Variants in ITPR2 observed in about 807,000 individuals in gnomAD.
ITPR2 encodes inositol 1,4,5-trisphosphate-gated calcium channel ITPR2.
In ITPR2, 207 loss-of-function variants were observed where a neutral mutation model predicts 317.1. The observed-to-expected ratio is 0.65, with a 90% CI of 0.58 to 0.73. The LOEUF (loss-of-function observed/expected upper bound fraction) is 0.73, where lower values mean the gene tolerates loss of function less well. Among genes scored for constraint, ITPR2 ranks in the 30% least tolerant of loss-of-function variants. The pLI is 0.00. For missense variants in ITPR2, 2,613 were observed against 3,284.0 expected, an observed-to-expected ratio of 0.80 and a Z score of 4.99; for synonymous variants, 1,156 against 1,149.1, an observed-to-expected ratio of 1.01 and a Z score of -0.12.
intron 1 of ITPR2, among the ~76,000 whole-genome samples, chr12:26,798,506 C>T (rs1950495992): frequency 6.6e-6 from 1 of 152,180 alleles, no homozygotes; most frequent in Admixed American, 6.5e-5. Context: ...TAAATACCAG[C>T]ACTAAGTGGT....
intron 2 of ITPR2, among the ~76,000 whole-genome samples, chr12:26,758,525 T>A (rs986102910): frequency 6.6e-6 from 1 of 152,206 alleles, no homozygotes; most frequent in South Asian, 2.1e-4. Flanking sequence ...TCCCCAAAAA[T>A]TCCAACTTTA....
intron 55 of ITPR2, among the ~76,000 whole-genome samples, chr12:26,351,812 A>G (rs1938492881): frequency 6.6e-6 from 1 of 152,150 alleles, no homozygotes; most frequent in African/African-American, 2.4e-5. Context: ...GCCTTTCTTA[A>G]TCTTATTACT....
intron 51 of ITPR2, 25 bp downstream of exon 51, chr12:26,415,278 C>T: frequency 6.6e-7 from 1 of 1,511,992 alleles, no homozygotes; most frequent in Admixed American, 2.0e-5. Context: ...ATCAGAGAAA[C>T]CTCATTTAGT....
At chr12:26,656,820 T>C (rs1947379657) in intron 18 of ITPR2, among the ~76,000 whole-genome samples, 1 of 152,202 alleles carries the variant, frequency 6.6e-6, no homozygotes, top group Non-Finnish European at 1.5e-5. Flanking sequence ...ATTCTGGGTT[T>C]CCTAGAATGA....
At chr12:26,672,909 T>A (rs1051314664) in intron 13 of ITPR2, among the ~76,000 whole-genome samples, 1 of 152,060 alleles carries the variant, frequency 6.6e-6, no homozygotes, top group African/African-American at 2.4e-5. Flanking sequence ...CCATCAGAGA[T>A]TACTACAAAC....
At chr12:26,624,382 T>G in intron 23 of ITPR2, 26 bp from the exon 24 acceptor site, 1 of 1,524,854 alleles carries the variant, frequency 6.6e-7, no homozygotes, top group Non-Finnish European at 9.0e-7. Context: ...GTAAAATCTC[T>G]TCTTTATCCT....
intron 1 of ITPR2, among the ~76,000 whole-genome samples, chr12:26,804,220 A>G (rs1328986998): frequency 2.0e-5 from 3 of 152,180 alleles, no homozygotes; most frequent in Admixed American, 6.5e-5. Flanking sequence ...GTGAATAAAC[A>G]TGGGTTTTAG....
intron 2 of ITPR2, among the ~76,000 whole-genome samples, chr12:26,765,530 T>G (rs1949705098): frequency 6.6e-6 from 1 of 152,162 alleles, no homozygotes; most frequent in Non-Finnish European, 1.5e-5. Flanking sequence ...TTCTGCTGAT[T>G]GGATGGATGT....
At chr12:26,735,549 TA>T (rs1373202836) in intron 2 of ITPR2, among the ~76,000 whole-genome samples, 7 of 152,304 alleles carry the variant, frequency 4.6e-5, no homozygotes, top group Non-Finnish European at 7.4e-5. Flanking sequence ...AAGTAGCAAG[TA>T]TTCTTTCAAG....
intron 45 of ITPR2, among the ~76,000 whole-genome samples, chr12:26,471,658 G>C: frequency 6.6e-6 from 1 of 152,096 alleles, no homozygotes; most frequent in Non-Finnish European, 1.5e-5. Flanking sequence ...ACCATGAAAA[G>C]AACAACAACA....
At chr12:26,613,524 C>G (rs1335606148) in intron 26 of ITPR2, among the ~76,000 whole-genome samples, 1 of 151,662 alleles carries the variant, frequency 6.6e-6, no homozygotes, top group Non-Finnish European at 1.5e-5. Flanking sequence ...CAGTCCATAC[C>G]TAATAAGCTG....
chr12:26,703,223 A>G (rs1948485167), intron 9 of ITPR2, among the ~76,000 whole-genome samples: 1 of 152,208 alleles, frequency 6.6e-6, no homozygotes. Flanking sequence ...GATGTTAACA[A>G]TTAGACATTA....
At chr12:26,690,002 C>A (rs1017462829) in intron 10 of ITPR2, among the ~76,000 whole-genome samples, 1 of 152,010 alleles carries the variant, frequency 6.6e-6, no homozygotes, top group Non-Finnish European at 1.5e-5. Flanking sequence ...ATTTTGGAAC[C>A]CTATTGTAGC....
chr12:26,593,532 G>T (rs1275077906), intron 32 of ITPR2, among the ~76,000 whole-genome samples: 1 of 152,166 alleles, frequency 6.6e-6, no homozygotes, highest in Non-Finnish European at 1.5e-5. Flanking sequence ...GTCAACCCTG[G>T]TGAAGGGATT....
In ITPR2 at chr12:26,772,546, T is replaced by C. The variant is rs1238087718; in HGVS notation, c.163+17611A>G. On this transcript the variant is annotated intron_variant, in intron 2 of 56. Transcript: ENST00000381340. ...TATTATATATAATACATGTATTATA[T>C]ATATAATACATGTATTATATATATA... Among the ~76,000 whole-genome samples the C allele has an allele frequency of 5.2e-4, 72 of 139,682 alleles. 2 individuals are homozygous for C. The highest frequency in any genetic ancestry group is 3.4e-3 in the Middle Eastern group (1 of 296). The allele number at this position is 139,682 out of a possible 152,430, so 91.6% of individuals were successfully genotyped here.
intron 15 of ITPR2, among the ~76,000 whole-genome samples, chr12:26,659,854 C>T (rs1485746035): frequency 6.6e-6 from 1 of 152,172 alleles, no homozygotes; most frequent in Non-Finnish European, 1.5e-5. Context: ...GATTCCTTTT[C>T]TGTGAATAGG....
chr12:26,349,305 C>T (rs1047261408), intron 55 of ITPR2, among the ~76,000 whole-genome samples: 3 of 152,200 alleles, frequency 2.0e-5, no homozygotes, highest in Admixed American at 6.5e-5. Context: ...CATTTTCAAG[C>T]TTGTATTAAC....
At chr12:26,463,320 G>A (rs1371454291) in intron 45 of ITPR2, among the ~76,000 whole-genome samples, 1 of 152,042 alleles carries the variant, frequency 6.6e-6, no homozygotes, top group African/African-American at 2.4e-5. Context: ...ATTCTGTTCA[G>A]CATTTTACAG....
chr12:26,711,881 G>A (rs1446134438), intron 8 of ITPR2, among the ~76,000 whole-genome samples: 4 of 152,184 alleles, frequency 2.6e-5, no homozygotes, highest in East Asian at 1.9e-4. Context: ...AATCACAAAC[G>A]TCAAGGCCTA....
Sources: gnomAD v4.1 joint callset for allele counts (sites outside exome capture counted in the v4.1 genomes callset) on GRCh38, gnomAD v4.1.1 for gene constraint, MANE v1.5 for transcripts, NCBI Gene and HGNC (gene_info 2026-07-23, HGNC 2026-07-21) for gene names.